Variants in ATP9A observed in about 807,000 individuals in gnomAD.
ATP9A encodes ATPase phospholipid transporting 9A.
ATP9A carries 52 observed loss-of-function variants against 144.1 expected under a neutral mutation model. The ratio of observed to expected loss-of-function variants is 0.36; its 90% CI spans 0.29 to 0.45. ATP9A has a LOEUF of 0.45. ATP9A is among the 20% of genes least tolerant of loss of function. The pLI, the probability that ATP9A is intolerant of heterozygous loss-of-function variation, is 1.00. For synonymous variants in ATP9A, 582 were observed against 557.4 expected (o/e 1.04, Z -0.62); for missense variants, 947 against 1,392.7 (o/e 0.68, Z 5.09).
At chr20:51,743,833 C>T (rs1341487816) in intron 1 of ATP9A, among the ~76,000 whole-genome samples, 4 of 151,198 alleles carry the variant, frequency 2.6e-5, no homozygotes, top group Non-Finnish European at 4.4e-5. Context: ...ATGGTGAAAC[C>T]CTGTCTCTAC....
intron 15 of ATP9A, among the ~76,000 whole-genome samples, chr20:51,638,774 G>T (rs901354194): frequency 2.6e-5 from 4 of 151,998 alleles, no homozygotes; most frequent in African/African-American, 9.7e-5. Flanking sequence ...GAGGTGGGAG[G>T]ACTCTTATAA....
intron 9 of ATP9A, among the ~76,000 whole-genome samples, chr20:51,678,394 C>T (rs2077486217): frequency 6.6e-6 from 1 of 152,200 alleles, no homozygotes. Context: ...AGCCCGCCCC[C>T]AAATGCACTG....
chr20:51,725,825 A>T lies in ATP9A; in HGVS notation c.321T>A (p.Val107=), dbSNP rs372169790. 6.3e-7 allele frequency: 1 copy of T among 1,594,586 alleles called. No individual in the cohort carries two copies. Among genetic ancestry groups the T allele is most frequent in the African/African-American group, 1.3e-5 (1 of 74,458 alleles). Reference sequence around the variant, plus strand: ...ACAATGCCGATTAACTTACCAGGGGAACCCAGTAGGTATAGAGTGCACCAA... The same window carrying T: ...ACAATGCCGATTAACTTACCAGGGGTACCCAGTAGGTATAGAGTGCACCAA... ...MRLGALYTYW[V]PLGFVLAVTV... is the part of the protein sequence containing the mutation. The change falls in exon 3 of 28, where the codon GTT becomes GTA. Residue 107 remains valine, a synonymous_variant. Coordinates refer to ENST00000338821, the MANE Select transcript of ATP9A (RefSeq NM_006045.3).
intron 1 of ATP9A, among the ~76,000 whole-genome samples, chr20:51,741,861 G>A (rs2077786654): frequency 6.6e-6 from 1 of 152,144 alleles, no homozygotes; most frequent in South Asian, 2.1e-4. Context: ...CTAGTGGATG[G>A]AGGCAGCCAA....
chr20:51,602,281 G>T (rs1256232326), intron 27 of ATP9A, among the ~76,000 whole-genome samples: 3 of 152,180 alleles, frequency 2.0e-5, no homozygotes, highest in African/African-American at 7.2e-5. Context: ...GCCAGAATAA[G>T]CCCCTTCTCC....
intron 9 of ATP9A, among the ~76,000 whole-genome samples, chr20:51,688,765 T>G (rs751090617): frequency 2.6e-5 from 4 of 151,878 alleles, no homozygotes; most frequent in Non-Finnish European, 2.9e-5. Context: ...AGCCAGAACA[T>G]CCAGGCTGCC....
chr20:51,712,893 A>T, intron 4 of ATP9A, 73 bp downstream of exon 4: 2 of 1,375,030 alleles, frequency 1.5e-6, no homozygotes, highest in Non-Finnish European at 2.0e-6. Context: ...CCGGGCCTTG[A>T]ACTCTTCTCC....
rs147772786 is a variant in ATP9A, at chr20:51,653,614, C to T, written c.1506+3324G>A. On this transcript the variant is annotated intron_variant, in intron 14 of 27. Coordinates refer to ENST00000338821, the MANE Select transcript of ATP9A (RefSeq NM_006045.3). ...CAGCCTGGCTAACATGGGGAAAACC[C>T]TGTCTCTACTAAAAATACAAAAATT... Among the ~76,000 whole-genome samples, 32 of 152,202 alleles carry T rather than the reference C, an allele frequency of 2.1e-4. No homozygotes were observed. In the East Asian group the frequency reaches 6.2e-3, roughly 29 times the overall value.
intron 24 of ATP9A, among the ~76,000 whole-genome samples, chr20:51,608,922 CGTGTGT>C (rs1214031645): frequency 9.1e-5 from 13 of 142,908 alleles, no homozygotes; most frequent in East Asian, 2.1e-4. Flanking sequence ...GGAAATAAGA[CGTGTGT>C]GTGTGTGTGT....
chr20:51,622,625 AGCTTATAAAAC>A (rs1229202466), intron 18 of ATP9A, among the ~76,000 whole-genome samples: 8 of 152,190 alleles, frequency 5.3e-5, no homozygotes, highest in African/African-American at 1.4e-4. Context: ...GGTTTAACTC[AGCTTATAAAAC>A]GCTGACCGTA....
At chr20:51,695,202 AT>A (rs1180729146) in intron 6 of ATP9A, among the ~76,000 whole-genome samples, 1 of 152,162 alleles carries the variant, frequency 6.6e-6, no homozygotes, top group African/African-American at 2.4e-5. Context: ...AACTAAGGCC[AT>A]TTTGGCCAGG....
intron 4 of ATP9A, among the ~76,000 whole-genome samples, chr20:51,712,453 T>A (rs1441323896): frequency 2.0e-5 from 3 of 152,208 alleles, no homozygotes; most frequent in African/African-American, 7.2e-5. Flanking sequence ...TGGATCAGAC[T>A]CCATGCTCTG....
rs769952209 is a variant in ATP9A, at chr20:51,743,396, A to ATT, written c.69-13420_69-13419dup. ...GAGATGGGCTGCAAGACCGAAACTG[A>ATT]TTTTTTTTTTTTTTTTTTTTTGAGA... On this transcript the variant is annotated intron_variant, in intron 1 of 27. Transcript: ENST00000338821. Among the ~76,000 whole-genome samples, 88 of 89,828 alleles carry ATT rather than the reference A, an allele frequency of 9.8e-4. 4 individuals are homozygous for ATT. Among genetic ancestry groups the ATT allele is most frequent in the East Asian group, 2.4e-3 (8 of 3,290 alleles). 58.9% of individuals were successfully genotyped at this position (89,828 alleles called of 152,430 possible).
In ATP9A at chr20:51,678,707, T is replaced by C. The variant is rs150144726; in HGVS notation, c.800-2499A>G. Among the ~76,000 whole-genome samples, 56 of 152,328 alleles carry C rather than the reference T, an allele frequency of 3.7e-4. No individual in the cohort carries two copies. The East Asian group carries it at 5.6e-3, about 15-fold the overall frequency. On this transcript the variant is annotated intron_variant, in intron 9 of 27. Coordinates refer to ENST00000338821, the MANE Select transcript of ATP9A (RefSeq NM_006045.3). ...ACCGCTGCATCCACTCCTATGCAGA[T>C]GCAGCTCAGCCTCAATCCCCAGAGC...
chr20:51,682,899 T>A (rs1390869213), intron 9 of ATP9A, among the ~76,000 whole-genome samples: 4 of 147,994 alleles, frequency 2.7e-5, no homozygotes, highest in Non-Finnish European at 5.9e-5. Flanking sequence ...AAGACCAGCC[T>A]GACCAACATG....
rs377547496 is a variant in ATP9A at position 51,719,745 on chromosome 20, AGG to A, written c.327+6072_327+6073del. ...AGACTCTGTCTCAAAAAAAAAAAAAAGGGGGGGGAAGAAGAAACGGGCTGGGC... is the reference window on the plus strand; with the variant it reads ...AGACTCTGTCTCAAAAAAAAAAAAAAGGGGGGAAGAAGAAACGGGCTGGGC... On this transcript the variant is annotated intron_variant, in intron 3 of 27. Transcript: ENST00000338821. Among the ~76,000 whole-genome samples the A allele has an allele frequency of 2.8e-4, 39 of 137,514 alleles. 2 individuals are homozygous for A. Among genetic ancestry groups the A allele is most frequent in the African/African-American group, 4.0e-4 (15 of 37,266 alleles). 90.2% of individuals were successfully genotyped at this position (137,514 alleles called of 152,430 possible).
intron 9 of ATP9A, among the ~76,000 whole-genome samples, chr20:51,678,556 C>T (rs1026288252): frequency 1.3e-5 from 2 of 152,252 alleles, no homozygotes; most frequent in Middle Eastern, 3.4e-3. Context: ...GGAGAGCTTG[C>T]GGTGGCTTCT....
chr20:51,765,058 T>C (rs867203966), intron 1 of ATP9A, among the ~76,000 whole-genome samples: 3 of 152,276 alleles, frequency 2.0e-5, no homozygotes, highest in African/African-American at 2.4e-5. Context: ...ACTCACATGG[T>C]TGTTGTAAGG....
intron 13 of ATP9A, among the ~76,000 whole-genome samples, chr20:51,660,078 C>CT (rs761116825): frequency 1.3e-3 from 194 of 152,164 alleles, no homozygotes; most frequent in Admixed American, 2.1e-3. Context: ...ATCGAGAACC[C>CT]TTTTTTTAAA....
Sources: allele counts gnomAD v4.1 joint callset (sites outside exome capture counted in the v4.1 genomes callset), GRCh38; gene constraint gnomAD v4.1.1; transcripts MANE v1.5; gene names NCBI Gene and HGNC (gene_info 2026-07-23, HGNC 2026-07-21).